LRGUK: variants seen among roughly 807,000 people sequenced by gnomAD.
LRGUK encodes the protein leucine-rich repeat and guanylate kinase domain-containing protein.
Under a neutral mutation model 76.0 loss-of-function variants are expected in LRGUK, and 65 were observed. That is an observed-to-expected ratio of 0.85 (90% CI 0.70 to 1.05). The LOEUF (loss-of-function observed/expected upper bound fraction) is 1.05. Ranked by LOEUF, LRGUK falls within the 50% of genes least tolerant of loss-of-function variation. The pLI, the probability that LRGUK is intolerant of heterozygous loss-of-function variation, is 0.00. For synonymous variants in LRGUK, 268 were observed against 265.6 expected, an observed-to-expected ratio of 1.01 and a Z score of -0.09; for missense variants, 758 against 732.8, an observed-to-expected ratio of 1.03 and a Z score of -0.40.
chr7:134,201,577 GTACTATTCTATC>G lies in LRGUK; in HGVS notation c.1843+2_1843+13del, dbSNP rs1800774506. The G allele has an allele frequency of 5.0e-6, 8 of 1,601,166 alleles. No individual in the cohort carries two copies. Among genetic ancestry groups the G allele is most frequent in the Non-Finnish European group, 6.8e-6 (8 of 1,173,540 alleles). On this transcript the variant is annotated splice_donor_variant and splice_donor_5th_base_variant and intron_variant, in intron 15 of 15. Transcript: ENST00000645682. LOFTEE classifies it high-confidence loss of function. ...GCCAAGAGTTTGGCTACAACTGCAGGTACTATTCTATCATTTTTGTGCCAGGATTTTTTTTTT... is the reference window on the plus strand; with the variant it reads ...GCCAAGAGTTTGGCTACAACTGCAGGATTTTTGTGCCAGGATTTTTTTTTT...
intron 1 of LRGUK, among the ~76,000 whole-genome samples, chr7:134,128,731 A>C (rs1797142975): frequency 6.6e-6 from 1 of 152,012 alleles, no homozygotes; most frequent in African/African-American, 2.4e-5. Context: ...TTATATTTTT[A>C]GTAGAGACGA....
chr7:134,257,894 T>A (rs1802623614), intron 18 of LRGUK, among the ~76,000 whole-genome samples: 1 of 152,148 alleles, frequency 6.6e-6, no homozygotes, highest in Non-Finnish European at 1.5e-5. Flanking sequence ...CATGGTTTTG[T>A]TTCTCTATCC....
chr7:134,215,079 T>C (rs1233495750), downstream of LRGUK, among the ~76,000 whole-genome samples: 1 of 152,178 alleles, frequency 6.6e-6, no homozygotes, highest in Non-Finnish European at 1.5e-5. Flanking sequence ...TCCTGTTTTA[T>C]TAAATGTAGT....
intron 16 of LRGUK, among the ~76,000 whole-genome samples, chr7:134,231,362 C>T (rs1177013434): frequency 6.6e-6 from 1 of 152,194 alleles, no homozygotes; most frequent in Non-Finnish European, 1.5e-5. Context: ...TAGAAAGAGC[C>T]TTTGCTCTCA....
chr7:134,205,023 G>T (rs924162561), intron 15 of LRGUK, among the ~76,000 whole-genome samples: 26 of 152,220 alleles, frequency 1.7e-4, no homozygotes, highest in African/African-American at 6.3e-4. Flanking sequence ...GTGGTAGCAA[G>T]GTTTAGTGTT....
chr7:134,240,248 C>G (rs1043859332), intron 16 of LRGUK, among the ~76,000 whole-genome samples: 10 of 152,180 alleles, frequency 6.6e-5, no homozygotes, highest in Non-Finnish European at 7.3e-5. Context: ...TAATAACAAA[C>G]TTCTCCAAGC....
rs570721520 is a variant in LRGUK at position 134,165,716 on chromosome 7, G to C, written c.939+2176G>C. 6.6e-5 allele frequency among the ~76,000 whole-genome samples: 10 copies of C among 152,178 alleles called. No individual in the cohort carries two copies. The South Asian group carries it at 2.1e-3, about 32-fold the overall frequency. On this transcript the variant is annotated intron_variant, in intron 7 of 15. Coordinates refer to ENST00000645682, the Ensembl canonical transcript of LRGUK. ...AGTGTGTATTTTACACTTAAAGTAT[G>C]TCTCAATTCATCCTGGCCATATTTT...
intron 16 of LRGUK, among the ~76,000 whole-genome samples, chr7:134,239,794 C>A (rs1802096226): frequency 6.6e-6 from 1 of 152,204 alleles, no homozygotes; most frequent in Admixed American, 6.5e-5. Flanking sequence ...CTGGGAGGCA[C>A]CTCCCAGTAG....
intron 1 of LRGUK, among the ~76,000 whole-genome samples, chr7:134,136,786 G>T (rs1797557793): frequency 6.6e-6 from 1 of 152,148 alleles, no homozygotes; most frequent in East Asian, 1.9e-4. Context: ...AATGCCTAAT[G>T]CAAGTGACCA....
intron 15 of LRGUK, among the ~76,000 whole-genome samples, chr7:134,203,090 CT>C (rs1253703176): frequency 2.0e-5 from 3 of 152,082 alleles, no homozygotes; most frequent in African/African-American, 7.2e-5. Flanking sequence ...GTAATCCCAA[CT>C]ACTCAGGAGG....
chr7:134,226,252 G>A, intron 16 of LRGUK, among the ~76,000 whole-genome samples: 1 of 124,352 alleles, frequency 8.0e-6, no homozygotes, highest in East Asian at 2.1e-4. Flanking sequence ...GTGTGTGTGT[G>A]TGTGTGTGTT....
At chr7:134,142,064 G>A (rs918515924) in intron 3 of LRGUK, among the ~76,000 whole-genome samples, 2 of 152,108 alleles carry the variant, frequency 1.3e-5, no homozygotes, top group African/African-American at 4.8e-5. Context: ...CCTTCCCCAG[G>A]TCTGCATGTG....
intron 16 of LRGUK, among the ~76,000 whole-genome samples, chr7:134,225,125 G>GAAAAAAAAAA (rs769671717): frequency 1.6e-5 from 1 of 60,886 alleles, no homozygotes; most frequent in East Asian, 5.6e-4. Context: ...AACAGAACTG[G>GAAAAAAAAAA]AAAAAAAAAA....
intron 5 of LRGUK, among the ~76,000 whole-genome samples, chr7:134,154,348 A>G (rs897430079): frequency 6.6e-6 from 1 of 152,220 alleles, no homozygotes; most frequent in African/African-American, 2.4e-5. Flanking sequence ...AGGAAGGGCA[A>G]GTAACATTTT....
chr7:134,139,127 T>C (rs1194463203), intron 2 of LRGUK, among the ~76,000 whole-genome samples: 1 of 151,938 alleles, frequency 6.6e-6, no homozygotes. Flanking sequence ...GTGTGATTTA[T>C]TAAAAGAAAA....
chr7:134,197,890 G>A (rs958881731), intron 13 of LRGUK, among the ~76,000 whole-genome samples: 12 of 151,828 alleles, frequency 7.9e-5, no homozygotes, highest in African/African-American at 2.9e-4. Context: ...TCCTTTAACT[G>A]AGCAGTATGA....
intron 11 of LRGUK, among the ~76,000 whole-genome samples, chr7:134,187,569 A>C (rs1052317952): frequency 2.6e-5 from 4 of 152,184 alleles, no homozygotes; most frequent in South Asian, 2.1e-4. Flanking sequence ...ATTTTGCTGT[A>C]GTTAGGTTTT....
At chr7:134,237,147 C>T (rs934854884) in intron 16 of LRGUK, among the ~76,000 whole-genome samples, 14 of 150,730 alleles carry the variant, frequency 9.3e-5, no homozygotes, top group East Asian at 2.0e-4. Flanking sequence ...CTCCACCTCC[C>T]GGGTTCAAGT....
intron 16 of LRGUK, among the ~76,000 whole-genome samples, chr7:134,233,257 T>C (rs1274801479): frequency 1.3e-5 from 2 of 152,230 alleles, no homozygotes; most frequent in Non-Finnish European, 1.5e-5. Flanking sequence ...TTAAGGCTTC[T>C]TGCTCTGGAT....
Sources: allele counts gnomAD v4.1 joint callset (sites outside exome capture counted in the v4.1 genomes callset), GRCh38; gene constraint gnomAD v4.1.1; transcripts MANE v1.5; gene names NCBI Gene and HGNC (gene_info 2026-07-23, HGNC 2026-07-21).